The following TMEM132D variants were observed in gnomAD, a reference collection of about 807,000 sequenced individuals.
The protein encoded by TMEM132D is transmembrane protein 132D.
TMEM132D carries 21 observed loss-of-function variants against 62.3 expected under a neutral mutation model. The observed-to-expected ratio is 0.34, with a 90% confidence interval of 0.24 to 0.49. TMEM132D has a LOEUF of 0.49. TMEM132D is among the 20% of genes least tolerant of loss of function. TMEM132D has a pLI of 0.99. For missense variants in TMEM132D, 1,346 were observed against 1,402.8 expected, an observed-to-expected ratio of 0.96 and a Z score of 0.65; for synonymous variants, 621 against 575.6, an observed-to-expected ratio of 1.08 and a Z score of -1.13.
At chr12:129,849,262 T>C (rs964732926) in intron 1 of TMEM132D, among the ~76,000 whole-genome samples, 2 of 152,200 alleles carry the variant, frequency 1.3e-5, no homozygotes, top group Admixed American at 6.5e-5. Flanking sequence ...CATCTCTATA[T>C]ATAAATACGC....
chr12:129,862,373 GC>G (rs1873926980), intron 1 of TMEM132D, among the ~76,000 whole-genome samples: 1 of 152,228 alleles, frequency 6.6e-6, no homozygotes, highest in African/African-American at 2.4e-5. Flanking sequence ...AGCAGACCCA[GC>G]CTTCAGGAGC....
At chr12:129,076,052 G>C (rs890242129) in intron 8 of TMEM132D, among the ~76,000 whole-genome samples, 1 of 150,790 alleles carries the variant, frequency 6.6e-6, no homozygotes. Context: ...GCTGCCATTA[G>C]AGCCATCAAT....
intron 2 of TMEM132D, among the ~76,000 whole-genome samples, chr12:129,657,522 C>A (rs1411148709): frequency 6.6e-6 from 1 of 152,166 alleles, no homozygotes; most frequent in Non-Finnish European, 1.5e-5. Context: ...GCCCCTTAAC[C>A]GTCAGTCAAA....
chr12:129,393,546 C>T (rs1871346236), intron 3 of TMEM132D, among the ~76,000 whole-genome samples: 1 of 152,160 alleles, frequency 6.6e-6, no homozygotes, highest in Non-Finnish European at 1.5e-5. Flanking sequence ...CTGTGACTTT[C>T]CTGTTTTCTT....
intron 4 of TMEM132D, among the ~76,000 whole-genome samples, chr12:129,271,865 A>G (rs763655528): frequency 6.6e-6 from 1 of 151,900 alleles, no homozygotes; most frequent in Non-Finnish European, 1.5e-5. Context: ...GTGCTGCAAT[A>G]AACATACATG....
chr12:129,877,628 C>CACACACACAGAGAG (rs869172595), intron 1 of TMEM132D, among the ~76,000 whole-genome samples: 10 of 146,852 alleles, frequency 6.8e-5, no homozygotes, highest in African/African-American at 2.6e-4. Context: ...CACACACACA[C>CACACACACAGAGAG]AGAGAGAGAG....
intron 1 of TMEM132D, among the ~76,000 whole-genome samples, chr12:129,771,674 TCCAATGCA>T (rs1422405141): frequency 6.6e-6 from 1 of 152,214 alleles, no homozygotes; most frequent in Non-Finnish European, 1.5e-5. Flanking sequence ...ATCCCAGCGA[TCCAATGCA>T]CTTGGCATCT....
chr12:129,465,249 C>G (rs1203028342), intron 3 of TMEM132D, among the ~76,000 whole-genome samples: 1 of 152,152 alleles, frequency 6.6e-6, no homozygotes, highest in Non-Finnish European at 1.5e-5. Flanking sequence ...TTCAACAACC[C>G]TTCATGCTAA....
intron 1 of TMEM132D, among the ~76,000 whole-genome samples, chr12:129,776,801 A>G (rs1048198642): frequency 6.6e-6 from 1 of 151,560 alleles, no homozygotes; most frequent in Non-Finnish European, 1.5e-5. Context: ...AAAAAAAAAA[A>G]AAAAAAGAAA....
intron 6 of TMEM132D, 115 bp downstream of exon 6, chr12:129,084,382 G>A: frequency 9.6e-7 from 1 of 1,036,330 alleles, no homozygotes; most frequent in Non-Finnish European, 1.4e-6. Context: ...CTGAGCGGTG[G>A]AGGGAGGCTT....
At chr12:129,394,599 G>A (rs1281887371) in intron 3 of TMEM132D, among the ~76,000 whole-genome samples, 1 of 152,244 alleles carries the variant, frequency 6.6e-6, no homozygotes, top group East Asian at 1.9e-4. Flanking sequence ...ACACCCGTGA[G>A]GAGGACTGTG....
At chr12:129,634,771 G>C (rs1033746096) in intron 2 of TMEM132D, among the ~76,000 whole-genome samples, 1 of 152,026 alleles carries the variant, frequency 6.6e-6, no homozygotes, top group Non-Finnish European at 1.5e-5. Context: ...TGCCTTCTTA[G>C]TATTCTCTGC....
chr12:129,759,391 C>A (rs187113066), intron 1 of TMEM132D, among the ~76,000 whole-genome samples: 2 of 152,118 alleles, frequency 1.3e-5, no homozygotes, highest in Non-Finnish European at 2.9e-5. Flanking sequence ...TGAGAGAAAT[C>A]GGCTCTAAGA....
intron 8 of TMEM132D, among the ~76,000 whole-genome samples, chr12:129,077,940 G>A (rs1357343301): frequency 6.6e-6 from 1 of 151,966 alleles, no homozygotes; most frequent in African/African-American, 2.4e-5. Context: ...ATATACATAT[G>A]CACACAACAC....
chr12:129,237,911 A>G (rs370514076), intron 4 of TMEM132D, among the ~76,000 whole-genome samples: 6 of 151,308 alleles, frequency 4.0e-5, no homozygotes, highest in African/African-American at 1.4e-4. Context: ...ACTCTCCCCA[A>G]AAATGTGCAT....
intron 5 of TMEM132D, among the ~76,000 whole-genome samples, chr12:129,164,256 T>TC (rs1877478399): frequency 1.3e-5 from 2 of 152,228 alleles, no homozygotes; most frequent in African/African-American, 4.8e-5. Flanking sequence ...TGACAGCCTT[T>TC]CCTCTGACCT....
intron 2 of TMEM132D, among the ~76,000 whole-genome samples, chr12:129,620,365 G>T (rs1427043920): frequency 6.6e-6 from 1 of 151,828 alleles, no homozygotes; most frequent in African/African-American, 2.4e-5. Context: ...TTGGGATGCT[G>T]AGGTGGGAGG....
chr12:129,817,597 G>A (rs1181744703), intron 1 of TMEM132D, among the ~76,000 whole-genome samples: 1 of 79,574 alleles, frequency 1.3e-5, no homozygotes, highest in East Asian at 4.0e-4. Context: ...AAGATGGTGT[G>A]TGTGTGTGTG....
intron 3 of TMEM132D, among the ~76,000 whole-genome samples, chr12:129,387,537 A>G (rs1157449945): frequency 6.6e-6 from 1 of 151,986 alleles, no homozygotes; most frequent in Non-Finnish European, 1.5e-5. Flanking sequence ...CAACACTAAT[A>G]CTATGTGCCA....
Sources: gnomAD v4.1 joint callset for allele counts (sites outside exome capture counted in the v4.1 genomes callset) on GRCh38, gnomAD v4.1.1 for gene constraint, MANE v1.5 for transcripts, NCBI Gene and HGNC (gene_info 2026-07-23, HGNC 2026-07-21) for gene names.